Variants in CADPS2 observed in about 807,000 individuals in gnomAD.
CADPS2 encodes calcium dependent secretion activator 2.
CADPS2 carries 93 observed loss-of-function variants against 172.5 expected under a neutral mutation model. The observed-to-expected ratio is 0.54, with a 90% CI of 0.46 to 0.64. The LOEUF (loss-of-function observed/expected upper bound fraction) is 0.64. Among genes scored for constraint, CADPS2 ranks in the 30% least tolerant of loss-of-function variants. CADPS2 has a pLI of 0.00. For synonymous variants in CADPS2, 546 were observed against 555.2 expected, an observed-to-expected ratio of 0.98 and a Z score of 0.23; for missense variants, 1,420 against 1,565.9, an observed-to-expected ratio of 0.91 and a Z score of 1.57.
intron 6 of CADPS2, among the ~76,000 whole-genome samples, chr7:122,601,532 T>A (rs986815565): frequency 6.6e-6 from 1 of 152,036 alleles, no homozygotes; most frequent in South Asian, 2.1e-4. Flanking sequence ...TCTCTGGTGG[T>A]CTTAAGTCAA....
rs2092746737 is a variant in CADPS2, at chr7:122,747,057, A to G, written c.340-9989T>C. ...AACAATGTAACCTCATCAAAAGCAAATGTAAACCAATTATCACAAATAGCA... is the reference window on the plus strand; with the variant it reads ...AACAATGTAACCTCATCAAAAGCAAGTGTAAACCAATTATCACAAATAGCA... On this transcript the variant is annotated intron_variant, in intron 1 of 29. Coordinates refer to ENST00000449022, the MANE Select transcript of CADPS2 (RefSeq NM_017954.11). Among the ~76,000 whole-genome samples the G allele has an allele frequency of 3.9e-5, 6 of 152,128 alleles. No individual in the cohort carries two copies. In the South Asian group the frequency reaches 1.2e-3, roughly 32 times the overall value.
At chr7:122,701,825 C>T (rs2086144239) in intron 2 of CADPS2, 1 of 1,550,046 alleles carries the variant, frequency 6.5e-7, no homozygotes, top group Admixed American at 2.0e-5. Context: ...GAAAATTCTC[C>T]AGATTTCTTA....
At chr7:122,506,835 T>G (rs1289067284) in intron 9 of CADPS2, among the ~76,000 whole-genome samples, 1 of 152,086 alleles carries the variant, frequency 6.6e-6, no homozygotes, top group East Asian at 1.9e-4. Flanking sequence ...TATTGTTAAC[T>G]GTGTTGTCCA....
In CADPS2 at chr7:122,393,592, C is replaced by T; in HGVS notation, c.2747-10G>A. ...CCATTACACAAAAGTGCTGAAATAG[C>T]CAAGCAGAAACAGTGTTTGTCAGAG... is the stretch of plus-strand genomic sequence containing the variant. On this transcript the variant is annotated splice_polypyrimidine_tract_variant and intron_variant, in intron 20 of 29. Coordinates refer to ENST00000449022, the MANE Select transcript of CADPS2 (RefSeq NM_017954.11). 1 of 1,613,456 alleles carries T rather than the reference C, an allele frequency of 6.2e-7. No individual in the cohort carries two copies. The highest frequency in any genetic ancestry group is 1.1e-5 in the South Asian group (1 of 91,022).
At chr7:122,668,402 TAA>T (rs34006020) in intron 2 of CADPS2, among the ~76,000 whole-genome samples, 276 of 138,158 alleles carry the variant, frequency 2.0e-3, no homozygotes, top group Middle Eastern at 7.2e-3. Flanking sequence ...AAAGTATGGT[TAA>T]AAAAAAAAAA....
intron 1 of CADPS2, among the ~76,000 whole-genome samples, chr7:122,747,173 G>A (rs565690757): frequency 6.6e-6 from 1 of 152,180 alleles, no homozygotes; most frequent in South Asian, 2.1e-4. Flanking sequence ...GAGCCATTCT[G>A]AGAAGTTCTC....
At chr7:122,425,950 C>T (rs942499365) in intron 17 of CADPS2, 1 of 152,116 alleles carries the variant, frequency 6.6e-6, no homozygotes, top group Non-Finnish European at 1.5e-5. Context: ...ACTCTTTTTT[C>T]CATACTCAAG....
chr7:122,747,091 G>A (rs1200183094), intron 1 of CADPS2, among the ~76,000 whole-genome samples: 2 of 152,054 alleles, frequency 1.3e-5, no homozygotes. Flanking sequence ...CAGCCTGAGT[G>A]ATCTCTGTGG....
At chr7:122,351,798 T>C (rs1426146237) in intron 27 of CADPS2, among the ~76,000 whole-genome samples, 2 of 152,228 alleles carry the variant, frequency 1.3e-5, no homozygotes, top group African/African-American at 4.8e-5. Context: ...TAGGTAGTCA[T>C]ATTACTTTTA....
intron 28 of CADPS2, among the ~76,000 whole-genome samples, chr7:122,335,047 T>C (rs2035624484): frequency 6.6e-6 from 1 of 152,182 alleles, no homozygotes; most frequent in African/African-American, 2.4e-5. Flanking sequence ...AATTGTGACA[T>C]AGATAGCCAT....
chr7:122,579,214 C>T (rs1057397753), intron 7 of CADPS2, among the ~76,000 whole-genome samples: 1 of 151,854 alleles, frequency 6.6e-6, no homozygotes, highest in African/African-American at 2.4e-5. Flanking sequence ...TGATTTTGCA[C>T]TACCCTCCAG....
chr7:122,666,699 A>G (rs2081229881), intron 2 of CADPS2, among the ~76,000 whole-genome samples: 1 of 152,142 alleles, frequency 6.6e-6, no homozygotes, highest in Non-Finnish European at 1.5e-5. Context: ...ACACTGGAAG[A>G]AAAAGGGCTC....
chr7:122,369,250 G>C (rs1417237989), intron 25 of CADPS2, among the ~76,000 whole-genome samples: 1 of 149,058 alleles, frequency 6.7e-6, no homozygotes, highest in Non-Finnish European at 1.5e-5. Flanking sequence ...TCCTGCCTCA[G>C]CCTCCCGGTA....
chr7:122,822,489 G>A (rs373049163), intron 1 of CADPS2, among the ~76,000 whole-genome samples: 5 of 149,336 alleles, frequency 3.3e-5, no homozygotes, highest in South Asian at 2.2e-4. Flanking sequence ...AAAAATTTTC[G>A]CCACCCCAAC....
chr7:122,574,818 A>G (rs1217863445), intron 7 of CADPS2, among the ~76,000 whole-genome samples: 3 of 152,190 alleles, frequency 2.0e-5, no homozygotes, highest in African/African-American at 7.2e-5. Flanking sequence ...ATCTTTAGCT[A>G]AAACACTGAG....
chr7:122,359,038 G>A (rs1490337604), intron 27 of CADPS2, among the ~76,000 whole-genome samples: 1 of 152,056 alleles, frequency 6.6e-6, no homozygotes, highest in Non-Finnish European at 1.5e-5. Flanking sequence ...AGAAATGTAC[G>A]TCTCATCATG....
chr7:122,393,083 A>G, intron 22 of CADPS2, 113 bp downstream of exon 22: 1 of 1,210,390 alleles, frequency 8.3e-7, no homozygotes, highest in Non-Finnish European at 1.1e-6. Flanking sequence ...AAAAAACAGT[A>G]TTCCTCAACC....
chr7:122,704,048 G>C (rs118066697), intron 2 of CADPS2, among the ~76,000 whole-genome samples: 87 of 152,114 alleles, frequency 5.7e-4, no homozygotes, highest in Non-Finnish European at 9.9e-4. Flanking sequence ...ATCATGTATA[G>C]GTTATCTTCT....
intron 15 of CADPS2, among the ~76,000 whole-genome samples, chr7:122,444,824 C>T (rs1449621748): frequency 1.3e-5 from 2 of 151,952 alleles, no homozygotes; most frequent in Admixed American, 6.6e-5. Context: ...ACATTTTTTT[C>T]CATTTATGAA....
Sources: allele counts gnomAD v4.1 joint callset (sites outside exome capture counted in the v4.1 genomes callset), GRCh38; gene constraint gnomAD v4.1.1; transcripts MANE v1.5; gene names NCBI Gene and HGNC (gene_info 2026-07-23, HGNC 2026-07-21).